The following SRRM3 variants were observed in gnomAD, a reference collection of about 807,000 sequenced individuals.
SRRM3 encodes serine/arginine repetitive matrix 3, also known as serine/arginine repetitive matrix protein 3.
A neutral mutation model predicts 66.2 loss-of-function variants in SRRM3; 27 were observed. That is an observed-to-expected ratio of 0.41 (90% CI 0.30 to 0.56). The LOEUF (loss-of-function observed/expected upper bound fraction) is 0.56, where lower values mean the gene tolerates loss of function less well. Ranked by LOEUF, SRRM3 falls within the 20% of genes least tolerant of loss-of-function variation. SRRM3 has a pLI of 0.32. For synonymous variants in SRRM3, 391 were observed against 414.9 expected (o/e 0.94, Z 0.70); for missense variants, 918 against 991.9 (o/e 0.93, Z 1.00).
chr7:76,282,149 C>T (rs1440544532), intron 12 of SRRM3, among the ~76,000 whole-genome samples: 1 of 150,584 alleles, frequency 6.6e-6, no homozygotes, highest in Non-Finnish European at 1.5e-5. Context: ...CCTCGACGAC[C>T]CCAACTCTCT....
At chr7:76,242,751 C>T (rs903511901) in intron 2 of SRRM3, among the ~76,000 whole-genome samples, 3 of 152,128 alleles carry the variant, frequency 2.0e-5, no homozygotes, top group Admixed American at 6.5e-5. Flanking sequence ...GAGCGTGCAA[C>T]CTACATCCCT....
chr7:76,222,283 G>T (rs1189502441), intron 1 of SRRM3, among the ~76,000 whole-genome samples: 3 of 152,084 alleles, frequency 2.0e-5, no homozygotes, highest in African/African-American at 7.2e-5. Flanking sequence ...GTATGCACCT[G>T]TGTGTAGTAG....
At chr7:76,239,736 A>G (rs1801235686) in intron 2 of SRRM3, among the ~76,000 whole-genome samples, 1 of 152,086 alleles carries the variant, frequency 6.6e-6, no homozygotes, top group Non-Finnish European at 1.5e-5. Context: ...CAAAAACAAA[A>G]CAAAACAAAA....
At position 76,282,869 on chromosome 7, in the gene SRRM3, G is replaced by A; in HGVS notation, c.1592G>A (p.Ser531Asn). Residue 531 changes from serine (S) to asparagine (N), a missense_variant, in exon 13 of 15, where the codon AGC becomes AAC. Physicochemically the swap from Ser to Asn is conservative, Grantham distance 46. Transcript: ENST00000611745. ...SRSPSPKKPL[S>N]RDKDGEGRAR... Reference sequence around the variant, plus strand: ...TCGCCGTCGCCCAAGAAGCCCCTCAGCCGGTGAGTGCCCGCCCGGACCGGG... The same window carrying A: ...TCGCCGTCGCCCAAGAAGCCCCTCAACCGGTGAGTGCCCGCCCGGACCGGG... The A allele has an allele frequency of 7.0e-7, 1 of 1,434,518 alleles. No individual in the cohort carries two copies. Among genetic ancestry groups the A allele is most frequent in the Non-Finnish European group, 9.1e-7 (1 of 1,097,788 alleles). 88.9% of individuals were successfully genotyped at this position (1,434,518 alleles called of 1,614,324 possible). A position where few individuals can be genotyped will look rare whatever the true frequency, so the allele number is the denominator to read the frequency against.
chr7:76,260,753 C>A, intron 5 of SRRM3, 121 bp from the exon 6 acceptor site: 1 of 957,186 alleles, frequency 1.0e-6, no homozygotes, highest in South Asian at 1.6e-5. Flanking sequence ...GGGGCCTCAT[C>A]TGCCATCCCC....
At chr7:76,202,224 G>T (rs1478548458) in intron 1 of SRRM3, among the ~76,000 whole-genome samples, 157 bp downstream of exon 1, 5 of 152,196 alleles carry the variant, frequency 3.3e-5, no homozygotes, top group Admixed American at 6.5e-5. Context: ...CCAGGCGCCC[G>T]GGGAGCAGAG....
intron 2 of SRRM3, among the ~76,000 whole-genome samples, chr7:76,247,260 C>T (rs1801464475): frequency 6.6e-6 from 1 of 152,144 alleles, no homozygotes; most frequent in East Asian, 1.9e-4. Flanking sequence ...ACGTCAGGGG[C>T]TTCCATTTGA....
chr7:76,217,757 GT>G (rs1199902285), intron 1 of SRRM3, among the ~76,000 whole-genome samples: 1 of 152,178 alleles, frequency 6.6e-6, no homozygotes, highest in Non-Finnish European at 1.5e-5. Flanking sequence ...TAATGAGGCA[GT>G]TCTGGCCCTT....
chr7:76,209,283 A>C (rs1013373540), intron 1 of SRRM3, among the ~76,000 whole-genome samples: 1 of 152,234 alleles, frequency 6.6e-6, no homozygotes, highest in Non-Finnish European at 1.5e-5. Flanking sequence ...CTTCTGGACC[A>C]GTGGAAAGGA....
intron 11 of SRRM3, chr7:76,273,185 G>A (rs544377103): frequency 1.8e-4 from 28 of 151,720 alleles, no homozygotes; most frequent in African/African-American, 5.8e-4. Context: ...TTGTCTGTTC[G>A]TCTGTCTCTC....
intron 10 of SRRM3, among the ~76,000 whole-genome samples, chr7:76,266,349 A>C (rs1360926603): frequency 8.7e-6 from 1 of 115,568 alleles, no homozygotes; most frequent in Non-Finnish European, 1.6e-5. Context: ...TTTCAATATA[A>C]ATATTAATGT....
chr7:76,234,991 G>C, intron 1 of SRRM3, 37 bp from the exon 2 acceptor site: 5 of 1,271,734 alleles, frequency 3.9e-6, no homozygotes, highest in Non-Finnish European at 4.3e-6. Context: ...TGGCGAAGAA[G>C]TGACCATCCC....
chr7:76,253,259 GGT>G (rs1554607141), intron 3 of SRRM3, among the ~76,000 whole-genome samples: 1 of 151,422 alleles, frequency 6.6e-6, no homozygotes, highest in African/African-American at 2.4e-5. Flanking sequence ...GGCCGAGGTG[GGT>G]GGATCACCTG....
chr7:76,235,958 A>T (rs1190785361), intron 2 of SRRM3, among the ~76,000 whole-genome samples: 1 of 138,790 alleles, frequency 7.2e-6, no homozygotes, highest in Admixed American at 7.9e-5. Context: ...GTGAGCCGAG[A>T]TCCGGCCACT....
intron 1 of SRRM3, among the ~76,000 whole-genome samples, chr7:76,214,500 T>TTGAA (rs1307905857): frequency 6.6e-6 from 1 of 152,108 alleles, no homozygotes; most frequent in East Asian, 1.9e-4. Flanking sequence ...CTCCTCAGAG[T>TTGAA]TGAAGTGTGT....
At chr7:76,264,554 C>T (rs1554609205) in intron 8 of SRRM3, among the ~76,000 whole-genome samples, 1 of 152,130 alleles carries the variant, frequency 6.6e-6, no homozygotes, top group East Asian at 1.9e-4. Flanking sequence ...TGTTCACGGG[C>T]CAGGACTTCC....
intron 1 of SRRM3, among the ~76,000 whole-genome samples, chr7:76,213,281 G>C (rs1800480566): frequency 1.3e-5 from 2 of 152,060 alleles, no homozygotes; most frequent in African/African-American, 4.8e-5. Context: ...ACAGTGCTAG[G>C]ATTACAGGCG....
chr7:76,211,773 A>G (rs1800435950), intron 1 of SRRM3, among the ~76,000 whole-genome samples: 2 of 151,398 alleles, frequency 1.3e-5, no homozygotes. Context: ...CTGATTCCAA[A>G]TCTGAGTGTG....
chr7:76,274,989 C>T (rs1554610911), intron 11 of SRRM3, among the ~76,000 whole-genome samples: 1 of 151,984 alleles, frequency 6.6e-6, no homozygotes, highest in Non-Finnish European at 1.5e-5. Context: ...GCCTGTAATC[C>T]CAGCTACTTG....
Sources: gnomAD v4.1 joint callset for allele counts (sites outside exome capture counted in the v4.1 genomes callset) on GRCh38, gnomAD v4.1.1 for gene constraint, MANE v1.5 for transcripts, NCBI Gene and HGNC (gene_info 2026-07-23, HGNC 2026-07-21) for gene names.